Variants in TNNI1 observed in about 807,000 individuals in gnomAD.
The protein encoded by TNNI1 is troponin I1, slow skeletal type.
A neutral mutation model predicts 26.7 loss-of-function variants in TNNI1; 14 were observed. The observed-to-expected ratio is 0.52, with a 90% confidence interval of 0.35 to 0.82. TNNI1 has a LOEUF of 0.82. Among genes scored for constraint, TNNI1 ranks in the 40% least tolerant of loss-of-function variants. The probability of loss-of-function intolerance (pLI) is 0.01; values close to 1 mark genes in which losing one functional copy is unlikely to be tolerated. For missense variants in TNNI1, 164 were observed against 257.0 expected (o/e 0.64, Z 2.47); for synonymous variants, 79 against 98.2 (o/e 0.80, Z 1.16).
At chr1:201,414,803 C>T (rs1305044641) in intron 4 of TNNI1, among the ~76,000 whole-genome samples, 154 bp from the exon 5 acceptor site, 2 of 152,262 alleles carry the variant, frequency 1.3e-5, no homozygotes, top group Non-Finnish European at 2.9e-5. Flanking sequence ...CATGAGGGTA[C>T]ACCCAGTGGC....
At position 201,417,179 on chromosome 1, in the gene TNNI1, A is replaced by G. The variant is rs375447573; in HGVS notation, c.12-60T>C. On this transcript the variant is annotated intron_variant, in intron 2 of 8. Transcript: ENST00000361379. Reference sequence around the variant, plus strand: ...AGCAGAACACAGAGTGAGTATGAACAATGAGGATTACATGTGCAGTCGCAG... The same window carrying G: ...AGCAGAACACAGAGTGAGTATGAACGATGAGGATTACATGTGCAGTCGCAG... The G allele has an allele frequency of 5.1e-4, 818 of 1,611,678 alleles. 5 individuals carry two copies. Among genetic ancestry groups the G allele is most frequent in the Middle Eastern group, 6.6e-4 (4 of 6,056 alleles).
intron 3 of TNNI1, among the ~76,000 whole-genome samples, chr1:201,416,337 C>A (rs1369648751): frequency 3.3e-5 from 5 of 152,194 alleles, no homozygotes; most frequent in Non-Finnish European, 7.3e-5. Flanking sequence ...ATCTTATTTC[C>A]CCACCACTTG....
rs751315427 is a variant in TNNI1, at chr1:201,417,815, A to AG, written c.-19-4dup. ...GCATGGTGGCAGTGAGACAGCACCT[A>AG]GGGGGCACAGAGGAATCATTCATAA... On this transcript the variant is annotated splice_region_variant and splice_polypyrimidine_tract_variant and intron_variant, in intron 1 of 8. Transcript: ENST00000361379. 150 of 1,312,936 alleles carry AG rather than the reference A, an allele frequency of 1.1e-4. No homozygotes were observed. The highest frequency in any genetic ancestry group is 2.0e-4 in the Middle Eastern group (1 of 4,938). 81.3% of individuals were successfully genotyped at this position (1,312,936 alleles called of 1,614,324 possible). A position where few individuals can be genotyped will look rare whatever the true frequency, so the allele number is the denominator to read the frequency against.
intron 8 of TNNI1, 36 bp downstream of exon 8, chr1:201,410,290 G>A (rs1414415746): frequency 6.3e-7 from 1 of 1,579,834 alleles, no homozygotes; most frequent in Non-Finnish European, 8.7e-7. Context: ...TCTAGACTCT[G>A]ATGGACCCCA....
intron 2 of TNNI1, 90 bp downstream of exon 2, chr1:201,417,693 T>C (rs1662775294): frequency 1.7e-6 from 2 of 1,178,472 alleles, no homozygotes; most frequent in South Asian, 3.8e-5. Flanking sequence ...GCTTTGGGGG[T>C]TGAAAACATG....
chr1:201,421,006 A>G (rs939594024), intron 1 of TNNI1, among the ~76,000 whole-genome samples: 6 of 152,110 alleles, frequency 3.9e-5, no homozygotes, highest in African/African-American at 1.4e-4. Flanking sequence ...CCTTCCTCCA[A>G]GAGGACCCCC....
intron 6 of TNNI1, 29 bp downstream of exon 6, chr1:201,413,003 G>C: frequency 6.2e-7 from 1 of 1,609,298 alleles, no homozygotes; most frequent in South Asian, 1.1e-5. Context: ...ACCCATTATG[G>C]CCATGCCCCT....
Position 201,405,366 on chromosome 1 carries a change from A to G in TNNI1, c.*3887T>C, listed in dbSNP as rs1176950480. ...AAGGAAGAGAAAACCCTTGCCCGTC[A>G]CCTTTAATGAAAGACCCACAGGCAG... On this transcript the variant is annotated 3_prime_UTR_variant, in exon 9 of 9. Transcript: ENST00000361379. 13 of 152,672 alleles carry G rather than the reference A, an allele frequency of 8.5e-5. No individual in the cohort carries two copies. Among genetic ancestry groups the G allele is most frequent in the Admixed American group, 8.5e-4 (13 of 15,284 alleles). 9.5% of individuals were successfully genotyped at this position (152,672 alleles called of 1,614,324 possible).
Position 201,412,971 on chromosome 1 carries a change from T to A in TNNI1, c.279+61A>T, listed in dbSNP as rs1662663918. On this transcript the variant is annotated intron_variant, in intron 6 of 8. Transcript: ENST00000361379. ...GAGGGGACCTCCCATGGCTGCTGCA[T>A]CCGTGCCCATGCCCCTGCCCAACCC... is the stretch of plus-strand genomic sequence containing the variant. 2.0e-6 allele frequency: 3 copies of A among 1,536,724 alleles called. No homozygotes were observed. The South Asian group carries it at 3.4e-5, about 17-fold the overall frequency.
At position 201,414,053 on chromosome 1, in the gene TNNI1, A is replaced by G. The variant is rs542815374; in HGVS notation, c.189+465T>C. ...AAAAATAATAAAAATTAAAATACCT[A>G]GTGATGCCACCACCCAGGGATACTT... is the stretch of plus-strand genomic sequence containing the variant. On this transcript the variant is annotated intron_variant, in intron 5 of 8. Coordinates refer to ENST00000361379, the MANE Select transcript of TNNI1 (RefSeq NM_003281.4). 2.0e-4 allele frequency among the ~76,000 whole-genome samples: 30 copies of G among 152,356 alleles called. No homozygotes were observed. The South Asian group carries it at 6.0e-3, about 31-fold the overall frequency.
chr1:201,416,503 CTA>C (rs2102372744), intron 3 of TNNI1, among the ~76,000 whole-genome samples: 1 of 152,282 alleles, frequency 6.6e-6, no homozygotes, highest in South Asian at 2.1e-4. Context: ...ATCAATACTG[CTA>C]ATTCTCACTG....
chr1:201,420,542 TGTGTGTGTAA>T (rs1338205866), intron 1 of TNNI1, among the ~76,000 whole-genome samples: 2 of 152,234 alleles, frequency 1.3e-5, no homozygotes, highest in South Asian at 2.1e-4. Context: ...AGATTGAGTC[TGTGTGTGTAA>T]GTGTGTGTAA....
At chr1:201,417,951 A>C in intron 1 of TNNI1, 139 bp from the exon 2 acceptor site, 1 of 581,432 alleles carries the variant, frequency 1.7e-6, no homozygotes, top group Non-Finnish European at 2.6e-6. Context: ...CCAGCAGGTC[A>C]AGATGGGACA....
chr1:201,409,459 T>C (rs1662592797), intron 8 of TNNI1, among the ~76,000 whole-genome samples: 1 of 152,114 alleles, frequency 6.6e-6, no homozygotes, highest in Non-Finnish European at 1.5e-5. Flanking sequence ...CTCACACCGC[T>C]CCTCCACACT....
intron 2 of TNNI1, 142 bp from the exon 3 acceptor site, chr1:201,417,261 G>C: frequency 1.8e-6 from 2 of 1,115,044 alleles, no homozygotes; most frequent in Non-Finnish European, 2.7e-6. Flanking sequence ...GAGCCAGAAA[G>C]TCATCAGGCA....
intron 5 of TNNI1, 79 bp downstream of exon 5, chr1:201,414,439 G>T (rs2102371591): frequency 7.6e-7 from 1 of 1,317,048 alleles, no homozygotes; most frequent in South Asian, 1.5e-5. Flanking sequence ...GTTAGTTCAG[G>T]CTCCTGCCGC....
chr1:201,412,538 A>G (rs1662650610), intron 6 of TNNI1, among the ~76,000 whole-genome samples: 1 of 152,142 alleles, frequency 6.6e-6, no homozygotes, highest in African/African-American at 2.4e-5. Flanking sequence ...CCCCATGCTA[A>G]GGGAGCACAG....
chr1:201,418,792 C>G (rs915999700), intron 1 of TNNI1, among the ~76,000 whole-genome samples: 1 of 152,150 alleles, frequency 6.6e-6, no homozygotes, highest in African/African-American at 2.4e-5. Flanking sequence ...TGGTTTTCCT[C>G]TCTGCAAAAT....
chr1:201,413,227 A>G, intron 5 of TNNI1, 106 bp from the exon 6 acceptor site: 1 of 1,255,076 alleles, frequency 8.0e-7, no homozygotes, highest in Non-Finnish European at 1.2e-6. Context: ...CCTGGGATCC[A>G]GAGAGGAGCT....
Sources: gnomAD v4.1 joint callset for allele counts (sites outside exome capture counted in the v4.1 genomes callset) on GRCh38, gnomAD v4.1.1 for gene constraint, MANE v1.5 for transcripts, NCBI Gene and HGNC (gene_info 2026-07-23, HGNC 2026-07-21) for gene names.